The following CHRNA5 variants were observed in gnomAD, a reference collection of about 807,000 sequenced individuals.
CHRNA5 encodes the protein neuronal acetylcholine receptor subunit alpha-5.
CHRNA5 carries 28 observed loss-of-function variants against 41.2 expected under a neutral mutation model. That is an observed-to-expected ratio of 0.68 (90% CI 0.50 to 0.93). The LOEUF (loss-of-function observed/expected upper bound fraction) is 0.93. CHRNA5 is among the 40% of genes least tolerant of loss of function. The pLI, the probability that CHRNA5 is intolerant of heterozygous loss-of-function variation, is 0.00. For synonymous variants in CHRNA5, 188 were observed against 205.8 expected (o/e 0.91, Z 0.74); for missense variants, 481 against 581.9 (o/e 0.83, Z 1.78).
chr15:78,565,629 C>A, exon 1 of CHRNA5: 1 of 316,358 alleles, frequency 3.2e-6, no homozygotes, highest in Non-Finnish European at 5.1e-6. Context: ...TGTCTCACGA[C>A]TCACACTCAG....
At chr15:78,567,118 T>A (rs1479346551) in intron 1 of CHRNA5, among the ~76,000 whole-genome samples, 5 of 151,612 alleles carry the variant, frequency 3.3e-5, no homozygotes, top group African/African-American at 4.8e-5. Context: ...CCGGGCGTGG[T>A]GGTGCGCGCC....
intron 1 of CHRNA5, among the ~76,000 whole-genome samples, chr15:78,566,871 G>A (rs971206746): frequency 4.6e-5 from 7 of 152,240 alleles, no homozygotes; most frequent in Middle Eastern, 3.2e-3. Flanking sequence ...AGAAAGGAAT[G>A]TGATTTTGGA....
chr15:78,590,098 G>A lies in CHRNA5; in HGVS notation c.707G>A (p.Trp236Ter), dbSNP rs772406108. The change falls in exon 5 of 6, where the codon TGG (tryptophan) becomes TAG (stop). Residue 236 changes from tryptophan to a stop codon, truncating the protein, a stop_gained. Coordinates refer to ENST00000299565, the Ensembl canonical transcript of CHRNA5. LOFTEE classifies it high-confidence loss of function. ...GGAAACAGAACCGACAGCTGTTGCT[G>A]GTATCCGTATGTCACTTACTCATTT... 1 of 1,614,140 alleles carries A rather than the reference G, an allele frequency of 6.2e-7. No homozygotes were observed. Among genetic ancestry groups the A allele is most frequent in the South Asian group, 1.1e-5 (1 of 91,090 alleles).
intron 2 of CHRNA5, among the ~76,000 whole-genome samples, chr15:78,583,547 T>C (rs1034397036): frequency 1.3e-5 from 2 of 151,800 alleles, no homozygotes; most frequent in Non-Finnish European, 2.9e-5. Context: ...ACAAAAAAAT[T>C]AGCTGGGCAT....
At chr15:78,583,966 G>A (rs949445023) in intron 2 of CHRNA5, among the ~76,000 whole-genome samples, 4 of 152,104 alleles carry the variant, frequency 2.6e-5, no homozygotes, top group Non-Finnish European at 4.4e-5. Context: ...TTTAAAGTTA[G>A]TGGGAAGAGC....
In CHRNA5 at chr15:78,570,424, A is replaced by ATTTTTTTTTTTTTT. The variant is rs71148540; in HGVS notation, c.106+4611_106+4624dup. 1.2e-3 allele frequency among the ~76,000 whole-genome samples: 74 copies of ATTTTTTTTTTTTTT among 64,166 alleles called. 13 individuals carry two copies. The East Asian group carries it at 0.012, about 10-fold the overall frequency. The allele number at this position is 64,166 out of a possible 152,430, so 42.1% of individuals were successfully genotyped here. On this transcript the variant is annotated intron_variant, in intron 1 of 5. Transcript: ENST00000299565. ...CAGGCATGTGCCACCAATCCCGGCT[A>ATTTTTTTTTTTTTT]TTTTTTTTTTTTTTTTTTTTTTTTT...
At chr15:78,587,315 A>G (rs1048658369) in intron 3 of CHRNA5, among the ~76,000 whole-genome samples, 1 of 152,182 alleles carries the variant, frequency 6.6e-6, no homozygotes, top group Admixed American at 6.5e-5. Flanking sequence ...GATAGGGAGT[A>G]TTGGGGTCGG....
In CHRNA5 at chr15:78,589,842, G is replaced by A. The variant is rs1374967801; in HGVS notation, c.451G>A (p.Val151Ile). ...TTTTGAAGGGACCAGTACGAAAACA[G>A]TCATCAGGTACAATGGCACTGTCAC... The change falls in exon 5 of 6, where the codon GTC becomes ATC. Residue 151 changes from valine to isoleucine, a missense_variant. By Grantham distance (29) the Val-to-Ile change is conservative. Transcript: ENST00000299565. The A allele has an allele frequency of 1.2e-6, 2 of 1,608,966 alleles. No homozygotes were observed. The highest frequency in any genetic ancestry group is 3.4e-5 in the Admixed American group (2 of 58,656).
At chr15:78,590,551 A>T in exon 5 of CHRNA5, 1 of 1,614,218 alleles carries the variant, frequency 6.2e-7, no homozygotes, top group East Asian at 2.2e-5. Context: ...AGTGGACCAA[A>T]ATCTTCTAGA....
chr15:78,569,343 T>C (rs1479450277), intron 1 of CHRNA5, among the ~76,000 whole-genome samples: 1 of 152,206 alleles, frequency 6.6e-6, no homozygotes, highest in Non-Finnish European at 1.5e-5. Context: ...GCATTATTTT[T>C]CTTAAAGCAT....
chr15:78,580,905 C>T (rs760981472), exon 2 of CHRNA5: 1 of 1,614,072 alleles, frequency 6.2e-7, no homozygotes, highest in Non-Finnish European at 8.5e-7. Context: ...CTGTGGAACA[C>T]CTGAATGACA....
At chr15:78,571,263 G>A (rs908493483) in intron 1 of CHRNA5, among the ~76,000 whole-genome samples, 1 of 152,210 alleles carries the variant, frequency 6.6e-6, no homozygotes, top group African/African-American at 2.4e-5. Flanking sequence ...ACAATGAATT[G>A]TAGCCCAAAC....
At chr15:78,587,551 G>T (rs1596063167) in intron 3 of CHRNA5, among the ~76,000 whole-genome samples, 2 of 152,108 alleles carry the variant, frequency 1.3e-5, no homozygotes, top group East Asian at 3.9e-4. Flanking sequence ...TGGGGAGAGG[G>T]GGTGTAGGAG....
Position 78,589,790 on chromosome 15 carries a change from ATG to A in CHRNA5, c.414-9_414-8del. ...TTTAATTTCTGCATTGTTATTTTAT[ATG>A]TGTGTATTTTAGTGCAGATGGACGT... On this transcript the variant is annotated splice_polypyrimidine_tract_variant and intron_variant, in intron 4 of 5. Coordinates refer to ENST00000299565, the Ensembl canonical transcript of CHRNA5. The A allele has an allele frequency of 6.6e-7, 1 of 1,517,718 alleles. No homozygotes were observed. The highest frequency in any genetic ancestry group is 8.9e-7 in the Non-Finnish European group (1 of 1,125,056). 94.0% of individuals were successfully genotyped at this position (1,517,718 alleles called of 1,614,324 possible). A position where few individuals can be genotyped will look rare whatever the true frequency, so the allele number is the denominator to read the frequency against.
chr15:78,576,637 CTGGGTGTGG>C (rs1373351652), intron 1 of CHRNA5, among the ~76,000 whole-genome samples: 2 of 151,188 alleles, frequency 1.3e-5, no homozygotes, highest in African/African-American at 2.4e-5. Flanking sequence ...AATAAATTAG[CTGGGTGTGG>C]TGGAACGCAC....
intron 1 of CHRNA5, among the ~76,000 whole-genome samples, chr15:78,571,782 T>A (rs537456661): frequency 1.3e-5 from 2 of 152,276 alleles, no homozygotes; most frequent in South Asian, 4.1e-4. Context: ...CAATATAAAA[T>A]ATAATGAAAA....
chr15:78,581,132 CACTG>C (rs2052910433), intron 2 of CHRNA5, among the ~76,000 whole-genome samples, 170 bp downstream of exon 2: 1 of 152,238 alleles, frequency 6.6e-6, no homozygotes, highest in Admixed American at 6.5e-5. Flanking sequence ...CATGATAACA[CACTG>C]TGTTTATATA....
chr15:78,572,523 G>A (rs897275428), intron 1 of CHRNA5, among the ~76,000 whole-genome samples: 11 of 151,894 alleles, frequency 7.2e-5, no homozygotes, highest in African/African-American at 2.4e-4. Flanking sequence ...TGCTCTTGTT[G>A]CCCAGGCTGG....
chr15:78,589,987 A>T (rs201173989), exon 5 of CHRNA5: 3 of 1,614,046 alleles, frequency 1.9e-6, no homozygotes, highest in Non-Finnish European at 2.5e-6. Flanking sequence ...TCACAGGTTG[A>T]TATAATTCTA....
Sources: gnomAD v4.1 joint callset for allele counts (sites outside exome capture counted in the v4.1 genomes callset) on GRCh38, gnomAD v4.1.1 for gene constraint, MANE v1.5 for transcripts, NCBI Gene and HGNC (gene_info 2026-07-23, HGNC 2026-07-21) for gene names.